CNIH3: variants seen among roughly 807,000 people sequenced by gnomAD.
CNIH3 encodes protein cornichon homolog 3.
In CNIH3, 14 loss-of-function variants were observed where a neutral mutation model predicts 24.1. That is an observed-to-expected ratio of 0.58 (90% confidence interval 0.38 to 0.91). CNIH3 has a LOEUF of 0.91. CNIH3 is among the 40% of genes least tolerant of loss of function. The probability of loss-of-function intolerance (pLI) is 0.00; values close to 1 mark genes in which losing one functional copy is unlikely to be tolerated. For synonymous variants in CNIH3, 68 were observed against 73.8 expected (o/e 0.92, Z 0.40); for missense variants, 178 against 196.8 (o/e 0.90, Z 0.57).
chr1:224,643,979 T>G (rs1684480304), intron 1 of CNIH3, among the ~76,000 whole-genome samples: 1 of 152,110 alleles, frequency 6.6e-6, no homozygotes, highest in African/African-American at 2.4e-5. Context: ...AGTTGGGGGT[T>G]GGCAGCAACC....
At chr1:224,656,678 T>C (rs1277039788) in intron 1 of CNIH3, among the ~76,000 whole-genome samples, 1 of 152,168 alleles carries the variant, frequency 6.6e-6, no homozygotes, top group Non-Finnish European at 1.5e-5. Flanking sequence ...TCAAAAGGGC[T>C]AACTTACTGT....
At chr1:224,457,285 G>C (rs1232259682) in intron 1 of CNIH3, among the ~76,000 whole-genome samples, 8 of 148,054 alleles carry the variant, frequency 5.4e-5, no homozygotes, top group Non-Finnish European at 8.9e-5. Flanking sequence ...CTGTGTGTGT[G>C]TGTGTGTGTG....
intron 3 of CNIH3, among the ~76,000 whole-genome samples, chr1:224,558,452 A>G (rs1680231666): frequency 6.6e-6 from 1 of 152,166 alleles, no homozygotes; most frequent in African/African-American, 2.4e-5. Flanking sequence ...AGTGATTGGC[A>G]GTGGGAGAAC....
chr1:224,555,751 C>CT (rs1187352853), intron 3 of CNIH3, among the ~76,000 whole-genome samples: 1 of 152,172 alleles, frequency 6.6e-6, no homozygotes, highest in Non-Finnish European at 1.5e-5. Context: ...AGCAATGTTC[C>CT]TTTTAGAGTT....
At chr1:224,633,025 C>T (rs1320179638) in intron 1 of CNIH3, among the ~76,000 whole-genome samples, 1 of 152,124 alleles carries the variant, frequency 6.6e-6, no homozygotes, top group Non-Finnish European at 1.5e-5. Context: ...CTACCAGTCC[C>T]CAAATGCTGT....
At chr1:224,559,805 C>T (rs2124981221) in intron 3 of CNIH3, among the ~76,000 whole-genome samples, 1 of 152,226 alleles carries the variant, frequency 6.6e-6, no homozygotes, top group South Asian at 2.1e-4. Context: ...TAGTCTACTG[C>T]TAGCATTCCA....
chr1:224,609,829 G>A (rs1025105206), intron 3 of CNIH3, among the ~76,000 whole-genome samples: 4 of 152,124 alleles, frequency 2.6e-5, no homozygotes, highest in Non-Finnish European at 4.4e-5. Flanking sequence ...GGGTAGGGTG[G>A]AGACAGGAAT....
chr1:224,584,708 T>A (rs1262450577), intron 5 of CNIH3, among the ~76,000 whole-genome samples: 1 of 148,804 alleles, frequency 6.7e-6, no homozygotes, highest in Non-Finnish European at 1.5e-5. Context: ...TTTGGAAAAA[T>A]GAAGCATTTC....
chr1:224,684,933 C>G lies in CNIH3; in HGVS notation c.198+90C>G, dbSNP rs898714905. 1 of 1,230,522 alleles carries G rather than the reference C, an allele frequency of 8.1e-7. No homozygotes were observed. Among genetic ancestry groups the G allele is most frequent in the Non-Finnish European group, 1.2e-6 (1 of 830,998 alleles). 76.2% of individuals were successfully genotyped at this position (1,230,522 alleles called of 1,614,324 possible). A position where few individuals can be genotyped will look rare whatever the true frequency, so the allele number is the denominator to read the frequency against. ...AGAGGCTAGTGAGGCTCTGCCTGCT[C>G]CAGTCCTGTCCACCAGGGAGGCAAA... On this transcript the variant is annotated intron_variant, in intron 3 of 5. Transcript: ENST00000272133. The surrounding 1 kb of genome is among the most constrained non-coding windows in gnomAD (Gnocchi z 4.2).
At chr1:224,440,864 T>C (rs1032560799) in intron 1 of CNIH3, among the ~76,000 whole-genome samples, 8 of 151,874 alleles carry the variant, frequency 5.3e-5, no homozygotes, top group African/African-American at 1.7e-4. Context: ...TCACCCAGGC[T>C]GGAGTGCAGT....
intron 3 of CNIH3, among the ~76,000 whole-genome samples, chr1:224,557,366 G>A (rs1680179971): frequency 6.6e-6 from 1 of 152,026 alleles, no homozygotes; most frequent in Non-Finnish European, 1.5e-5. Context: ...CCTCTTAGAA[G>A]GAGTCTTACA....
At chr1:224,635,040 A>G (rs1237785835) in intron 1 of CNIH3, among the ~76,000 whole-genome samples, 1 of 152,210 alleles carries the variant, frequency 6.6e-6, no homozygotes, top group Non-Finnish European at 1.5e-5. Context: ...TGGGTAATTT[A>G]TAAAGAACAG....
chr1:224,716,997 C>T (rs551017589), intron 3 of CNIH3, among the ~76,000 whole-genome samples: 99 of 152,236 alleles, frequency 6.5e-4, no homozygotes, highest in African/African-American at 2.3e-3. Flanking sequence ...TACCTAGGGA[C>T]GGGTGACCTT....
chr1:224,695,381 CA>C (rs1687115202), intron 3 of CNIH3, among the ~76,000 whole-genome samples: 3 of 151,052 alleles, frequency 2.0e-5, no homozygotes, highest in Admixed American at 6.6e-5. Flanking sequence ...CACACACACA[CA>C]CACACACACA....
At chr1:224,557,467 A>G (rs928091324) in intron 3 of CNIH3, among the ~76,000 whole-genome samples, 8 of 151,856 alleles carry the variant, frequency 5.3e-5, no homozygotes, top group Admixed American at 1.3e-4. Flanking sequence ...AGAGTCCTCA[A>G]CCAGTTCTTT....
intron 3 of CNIH3, among the ~76,000 whole-genome samples, chr1:224,710,442 A>T (rs372148002): frequency 5.9e-5 from 9 of 152,206 alleles, no homozygotes; most frequent in East Asian, 3.9e-4. Flanking sequence ...TTCACCCTTC[A>T]CATTGTTGGA....
intron 2 of CNIH3, among the ~76,000 whole-genome samples, chr1:224,536,538 A>G (rs886672968): frequency 6.6e-6 from 1 of 151,666 alleles, no homozygotes; most frequent in African/African-American, 2.4e-5. Context: ...TGATCTGCCC[A>G]CCTCGGCTTC....
intron 1 of CNIH3, among the ~76,000 whole-genome samples, chr1:224,637,385 A>G (rs1185178558): frequency 1.7e-5 from 1 of 58,012 alleles, no homozygotes; most frequent in African/African-American, 6.4e-5. Flanking sequence ...CACCCTCCCC[A>G]CCCCCCAAGT....
chr1:224,654,853 A>C (rs1056673103), intron 1 of CNIH3, among the ~76,000 whole-genome samples: 1 of 152,202 alleles, frequency 6.6e-6, no homozygotes, highest in Non-Finnish European at 1.5e-5. Context: ...TATGGTGTAG[A>C]ATGTTGAAAA....
Sources: allele counts gnomAD v4.1 joint callset (sites outside exome capture counted in the v4.1 genomes callset), GRCh38; gene constraint gnomAD v4.1.1; non-coding constraint Gnocchi (gnomAD v3.1); transcripts MANE v1.5; gene names NCBI Gene and HGNC (gene_info 2026-07-23, HGNC 2026-07-21).